ANO3: variants seen among roughly 807,000 people sequenced by gnomAD.
ANO3 encodes anoctamin 3, also known as anoctamin-3.
Under a neutral mutation model 144.8 loss-of-function variants are expected in ANO3, and 99 were observed. That is an observed-to-expected ratio of 0.68 (90% CI 0.58 to 0.81). The LOEUF (loss-of-function observed/expected upper bound fraction) is 0.81. Among genes scored for constraint, ANO3 ranks in the 30% least tolerant of loss-of-function variants. ANO3 has a pLI of 0.00. For synonymous variants in ANO3, 414 were observed against 392.6 expected, an observed-to-expected ratio of 1.05 and a Z score of -0.64; for missense variants, 905 against 1,202.2, an observed-to-expected ratio of 0.75 and a Z score of 3.66.
chr11:26,304,746 A>G (rs1854332296), upstream of ANO3, among the ~76,000 whole-genome samples: 1 of 152,178 alleles, frequency 6.6e-6, no homozygotes, highest in African/African-American at 2.4e-5. Context: ...CAATTTTTCA[A>G]TGTTACACAT....
chr11:26,332,131 G>A lies in ANO3; in HGVS notation c.-145G>A. On this transcript the variant is annotated 5_prime_UTR_variant, in exon 1 of 27. Transcript: ENST00000256737. ...ACGACACCGGCGGGCGCGTAGCCTG[G>A]AGAGCGAAGTGCCGGCTACAGCAGG... 1 of 1,514,264 alleles carries A rather than the reference G, an allele frequency of 6.6e-7. No individual in the cohort carries two copies. Among genetic ancestry groups the A allele is most frequent in the Non-Finnish European group, 8.8e-7 (1 of 1,132,918 alleles). The allele number at this position is 1,514,264 out of a possible 1,614,324, so 93.8% of individuals were successfully genotyped here. A position where few individuals can be genotyped will look rare whatever the true frequency, so the allele number is the denominator to read the frequency against.
chr11:26,513,301 T>A (rs1861737371), intron 5 of ANO3, among the ~76,000 whole-genome samples: 1 of 152,202 alleles, frequency 6.6e-6, no homozygotes, highest in African/African-American at 2.4e-5. Context: ...TAGGTCATCC[T>A]GACCCTTGTG....
intron 1 of ANO3, among the ~76,000 whole-genome samples, chr11:26,260,183 G>C (rs1287321954): frequency 6.6e-6 from 1 of 152,008 alleles, no homozygotes; most frequent in Non-Finnish European, 1.5e-5. Context: ...TCTTGATAAG[G>C]AAGTGTTCCA....
chr11:26,300,368 CCTCT>C (rs138657629), intron 1 of ANO3, among the ~76,000 whole-genome samples: 1 of 150,288 alleles, frequency 6.7e-6, no homozygotes, highest in African/African-American at 2.4e-5. Flanking sequence ...ATTTGCTCTC[CCTCT>C]CTCTCTCTCT....
chr11:26,561,331 A>G, intron 14 of ANO3: 1 of 759,700 alleles, frequency 1.3e-6, no homozygotes, highest in Non-Finnish European at 1.9e-6. Context: ...AAATAAATAT[A>G]TTTTTATATG....
chr11:26,619,791 T>C lies in ANO3; in HGVS notation c.1837-4671T>C, dbSNP rs116318874. 9.2e-3 allele frequency among the ~76,000 whole-genome samples: 1,402 copies of C among 152,322 alleles called. 30 individuals carry two copies. Among genetic ancestry groups the C allele is most frequent in the African/African-American group, 0.032 (1,319 of 41,570 alleles). ...CAAAAAACTACAGATTCTTGAGTCCTGTTCAGAATCTCCTTTGTTGGGCTA... is the reference window on the plus strand; with the variant it reads ...CAAAAAACTACAGATTCTTGAGTCCCGTTCAGAATCTCCTTTGTTGGGCTA... On this transcript the variant is annotated intron_variant, in intron 17 of 26. Coordinates refer to ENST00000256737, the MANE Select transcript of ANO3 (RefSeq NM_031418.4).
chr11:26,477,122 G>A (rs1860014082), intron 4 of ANO3, among the ~76,000 whole-genome samples: 1 of 152,054 alleles, frequency 6.6e-6, no homozygotes, highest in African/African-American at 2.4e-5. Flanking sequence ...ATTTGTGTGT[G>A]CACAGATGCG....
chr11:26,329,103 A>T (rs1411030596), upstream of ANO3, among the ~76,000 whole-genome samples: 1 of 152,108 alleles, frequency 6.6e-6, no homozygotes, highest in Non-Finnish European at 1.5e-5. Context: ...AAGCAACCCA[A>T]CATAGTTCAT....
upstream of ANO3, chr11:26,331,335 A>G (rs1016827072): frequency 2.6e-5 from 4 of 152,204 alleles, no homozygotes; most frequent in Admixed American, 2.6e-4. Flanking sequence ...CTTAAAATAC[A>G]TGGTGAAGAT....
chr11:26,555,636 A>G (rs1237960506), intron 13 of ANO3, among the ~76,000 whole-genome samples: 1 of 152,204 alleles, frequency 6.6e-6, no homozygotes, highest in African/African-American at 2.4e-5. Flanking sequence ...AGAATACAAG[A>G]AATACAACCC....
At chr11:26,573,650 A>G (rs1850911636) in intron 14 of ANO3, among the ~76,000 whole-genome samples, 1 of 152,124 alleles carries the variant, frequency 6.6e-6, no homozygotes, top group South Asian at 2.1e-4. Context: ...CACTTTTGCT[A>G]TAGCTCTCCG....
chr11:26,499,747 C>G (rs1861115268), intron 4 of ANO3, among the ~76,000 whole-genome samples: 1 of 151,774 alleles, frequency 6.6e-6, no homozygotes, highest in African/African-American at 2.4e-5. Flanking sequence ...AAGATATAGT[C>G]TCATGCATTT....
At chr11:26,302,030 G>T (rs1854245219) in intron 1 of ANO3, among the ~76,000 whole-genome samples, 1 of 152,168 alleles carries the variant, frequency 6.6e-6, no homozygotes, top group Admixed American at 6.5e-5. Context: ...AAGCTACAAG[G>T]TACTAGGCAG....
rs554243235 is a variant in ANO3 at position 26,526,441 on chromosome 11, T to A, written c.737+762T>A. On this transcript the variant is annotated intron_variant, in intron 7 of 26. Transcript: ENST00000256737. Reference sequence around the variant, plus strand: ...AGAACCAGTTAACAAAGATAAAGCATGTGAATGTGGTAGAGTATGCTCCAT... The same window carrying A: ...AGAACCAGTTAACAAAGATAAAGCAAGTGAATGTGGTAGAGTATGCTCCAT... 2.6e-5 allele frequency among the ~76,000 whole-genome samples: 4 copies of A among 152,268 alleles called. No homozygotes were observed. In the East Asian group the frequency reaches 7.7e-4, roughly 29 times the overall value.
intron 1 of ANO3, among the ~76,000 whole-genome samples, chr11:26,340,766 G>T (rs772114960): frequency 1.3e-5 from 2 of 152,124 alleles, no homozygotes; most frequent in Non-Finnish European, 2.9e-5. Context: ...TTCATACAAT[G>T]GAAATGTAAC....
At chr11:26,635,961 G>A (rs532992939) in intron 20 of ANO3, among the ~76,000 whole-genome samples, 2 of 152,142 alleles carry the variant, frequency 1.3e-5, no homozygotes, top group African/African-American at 4.8e-5. Flanking sequence ...ACTTTAGGAG[G>A]CCAAGGCAGG....
chr11:26,342,602 A>G (rs573891041), intron 1 of ANO3, among the ~76,000 whole-genome samples: 1 of 152,218 alleles, frequency 6.6e-6, no homozygotes, highest in Non-Finnish European at 1.5e-5. Flanking sequence ...ATAAATTTCT[A>G]TAACTTATAC....
In ANO3 at chr11:26,315,611, C is replaced by CT. The variant is rs948418282; in HGVS notation, c.-3+5902dup. 1.5e-3 allele frequency among the ~76,000 whole-genome samples: 220 copies of CT among 148,092 alleles called. 1 individual carries two copies. The highest frequency in any genetic ancestry group is 3.4e-3 in the Middle Eastern group (1 of 290). On this transcript the variant is annotated intron_variant, in intron 1 of 26. Coordinates refer to the ANO3 transcript ENST00000525139. ...AAGTTTCACTTTTAAGAGATATTCT[C>CT]TTTTTTTTTTCAAGAGAAATTGCAA... is the stretch of plus-strand genomic sequence containing the variant.
chr11:26,606,382 G>A (rs545599936), intron 17 of ANO3, among the ~76,000 whole-genome samples: 42 of 152,258 alleles, frequency 2.8e-4, no homozygotes, highest in Non-Finnish European at 5.6e-4. Context: ...GTGATGTGGT[G>A]CTGAGAAGGA....
Sources: allele counts gnomAD v4.1 joint callset (sites outside exome capture counted in the v4.1 genomes callset), GRCh38; gene constraint gnomAD v4.1.1; transcripts MANE v1.5; gene names NCBI Gene and HGNC (gene_info 2026-07-23, HGNC 2026-07-21).